AATF: variants seen among roughly 807,000 people sequenced by gnomAD.
AATF encodes apoptosis antagonizing transcription factor, also known as protein AATF.
Under a neutral mutation model 63.7 loss-of-function variants are expected in AATF, and 48 were observed. The observed-to-expected ratio is 0.75, with a 90% CI of 0.60 to 0.96. The LOEUF is 0.96. AATF is among the 40% of genes least tolerant of loss of function. The probability of loss-of-function intolerance (pLI) is 0.00; values close to 1 mark genes in which losing one functional copy is unlikely to be tolerated. For synonymous variants in AATF, 258 were observed against 247.7 expected, an observed-to-expected ratio of 1.04 and a Z score of -0.39; for missense variants, 639 against 685.7, an observed-to-expected ratio of 0.93 and a Z score of 0.76.
At chr17:37,019,636 A>G (rs1047316959) in intron 9 of AATF, among the ~76,000 whole-genome samples, 2 of 152,204 alleles carry the variant, frequency 1.3e-5, no homozygotes, top group African/African-American at 4.8e-5. Context: ...GGCATTTAGA[A>G]TGCTACCTAA....
At chr17:37,034,121 C>G (rs1047211738) in intron 11 of AATF, among the ~76,000 whole-genome samples, 4 of 152,162 alleles carry the variant, frequency 2.6e-5, no homozygotes, top group African/African-American at 7.2e-5. Context: ...GAATAATAGT[C>G]TTGTAGCTGG....
At chr17:37,021,819 AAATAATAAT>A (rs909047085) in intron 10 of AATF, among the ~76,000 whole-genome samples, 1 of 96,530 alleles carries the variant, frequency 1.0e-5, no homozygotes, top group African/African-American at 7.3e-5. Context: ...AAAAAAAAAA[AAATAATAAT>A]AATAATAATA....
At chr17:37,021,069 T>A in intron 10 of AATF, 55 bp downstream of exon 10, 1 of 1,266,248 alleles carries the variant, frequency 7.9e-7, no homozygotes, top group Non-Finnish European at 1.1e-6. Context: ...ATCTCGTCTC[T>A]TACATTCTGG....
intron 8 of AATF, among the ~76,000 whole-genome samples, chr17:37,001,961 G>C (rs1030791867): frequency 3.9e-5 from 6 of 152,120 alleles, no homozygotes; most frequent in Non-Finnish European, 8.8e-5. Flanking sequence ...CAGCACACTG[G>C]GAGGCCAAGT....
chr17:37,022,979 T>C (rs995071405), intron 10 of AATF, among the ~76,000 whole-genome samples: 5 of 152,214 alleles, frequency 3.3e-5, no homozygotes, highest in African/African-American at 1.2e-4. Flanking sequence ...TAGTACTTCA[T>C]AGGTGACTAG....
chr17:36,973,650 A>C (rs1177294119), intron 4 of AATF, among the ~76,000 whole-genome samples: 1 of 152,228 alleles, frequency 6.6e-6, no homozygotes, highest in African/African-American at 2.4e-5. Context: ...TTAGACTTTC[A>C]GGGGGTCAGC....
intron 8 of AATF, among the ~76,000 whole-genome samples, chr17:37,016,772 T>C (rs972501678): frequency 6.6e-6 from 1 of 152,184 alleles, no homozygotes; most frequent in Non-Finnish European, 1.5e-5. Flanking sequence ...AACCCAGTGA[T>C]AGTGGTAGCT....
At chr17:36,972,172 C>T (rs921051479) in intron 4 of AATF, among the ~76,000 whole-genome samples, 3 of 152,138 alleles carry the variant, frequency 2.0e-5, no homozygotes, top group African/African-American at 2.4e-5. Flanking sequence ...TGGGCCACAT[C>T]AACCTATAGT....
chr17:36,953,969 G>C, intron 4 of AATF, 62 bp downstream of exon 4: 1 of 1,522,954 alleles, frequency 6.6e-7, no homozygotes. Flanking sequence ...AGACAGCTTT[G>C]ATTGAAGTGG....
chr17:36,971,567 C>G (rs563661811), intron 4 of AATF, among the ~76,000 whole-genome samples: 1 of 152,308 alleles, frequency 6.6e-6, no homozygotes, highest in African/African-American at 2.4e-5. Context: ...CCAGTAGTCT[C>G]TGTCTTAGAT....
intron 4 of AATF, among the ~76,000 whole-genome samples, chr17:36,978,483 A>G (rs2071095773): frequency 6.6e-6 from 1 of 152,092 alleles, no homozygotes; most frequent in African/African-American, 2.4e-5. Flanking sequence ...ATTTTAGAAT[A>G]TAAGTCTCTA....
intron 8 of AATF, among the ~76,000 whole-genome samples, chr17:37,005,052 G>C (rs1305220900): frequency 2.6e-5 from 4 of 152,210 alleles, no homozygotes; most frequent in Admixed American, 6.5e-5. Context: ...TGATCTGAAT[G>C]AACATGAAGC....
intron 4 of AATF, among the ~76,000 whole-genome samples, chr17:36,966,679 T>C (rs2070994129): frequency 6.6e-6 from 1 of 152,218 alleles, no homozygotes; most frequent in Non-Finnish European, 1.5e-5. Flanking sequence ...AAAGTTTTGT[T>C]GTTGTTGTGG....
intron 4 of AATF, among the ~76,000 whole-genome samples, chr17:36,955,569 A>T (rs920303788): frequency 1.3e-5 from 2 of 152,152 alleles, no homozygotes; most frequent in African/African-American, 4.8e-5. Context: ...AATTCCTGGT[A>T]TGCCTTTGGA....
rs9892808 is a variant in AATF, at chr17:37,021,105, C to A, written c.1547+91C>A. 8.5e-3 allele frequency: 7,716 copies of A among 906,368 alleles called. 284 individuals are homozygous for A. In the African/African-American group the frequency reaches 0.089, roughly 10 times the overall value. 56.1% of individuals were successfully genotyped at this position (906,368 alleles called of 1,614,324 possible). A position where few individuals can be genotyped will look rare whatever the true frequency, so the allele number is the denominator to read the frequency against. On this transcript the variant is annotated intron_variant, in intron 10 of 11. Transcript: ENST00000619387. ...CTGTTATGTCATTTTTCTTTTTCTT[C>A]TGATGATTCTGTTTTTAAGGATCAG... is the stretch of plus-strand genomic sequence containing the variant.
At chr17:37,052,930 G>A (rs1245383625) in intron 11 of AATF, among the ~76,000 whole-genome samples, 1 of 152,224 alleles carries the variant, frequency 6.6e-6, no homozygotes, top group Non-Finnish European at 1.5e-5. Flanking sequence ...GTTGAATTGA[G>A]TTGGCAGTTG....
intron 8 of AATF, among the ~76,000 whole-genome samples, chr17:37,002,507 A>C (rs1333427564): frequency 4.0e-5 from 6 of 151,326 alleles, no homozygotes; most frequent in Non-Finnish European, 8.9e-5. Flanking sequence ...CTCTACTAAA[A>C]ATACAAAAAA....
chr17:37,018,879 G>A, intron 8 of AATF, 126 bp from the exon 9 acceptor site: 1 of 744,898 alleles, frequency 1.3e-6, no homozygotes, highest in Non-Finnish European at 2.4e-6. Context: ...CTTGCCACTG[G>A]GTTGTCCCTT....
intron 7 of AATF, among the ~76,000 whole-genome samples, 197 bp downstream of exon 7, chr17:36,989,608 T>C (rs998662849): frequency 6.6e-6 from 1 of 152,200 alleles, no homozygotes; most frequent in Non-Finnish European, 1.5e-5. Flanking sequence ...TTCTATTAAC[T>C]CCTGTGTGTC....
Sources: allele counts gnomAD v4.1 joint callset (sites outside exome capture counted in the v4.1 genomes callset), GRCh38; gene constraint gnomAD v4.1.1; transcripts MANE v1.5; gene names NCBI Gene and HGNC (gene_info 2026-07-23, HGNC 2026-07-21).